The following NHS variants were observed in gnomAD, a reference collection of about 807,000 sequenced individuals.
The protein encoded by NHS is NHS actin remodeling regulator.
NHS carries 5 observed loss-of-function variants against 72.5 expected under a neutral mutation model. The ratio of observed to expected loss-of-function variants is 0.07; its 90% CI spans 0.04 to 0.14. The LOEUF (loss-of-function observed/expected upper bound fraction) is 0.14. Among genes scored for constraint, NHS ranks in the 10% least tolerant of loss-of-function variants. The pLI is 1.00. For missense variants in NHS, 1,072 were observed against 1,355.7 expected (o/e 0.79, Z 3.29); for synonymous variants, 464 against 547.7 (o/e 0.85, Z 2.13).
At chrX:17,427,580 G>A (rs2064663756) in intron 1 of NHS, among the ~76,000 whole-genome samples, 2 of 112,277 alleles carry the variant, frequency 1.8e-5, no homozygotes, top group Non-Finnish European at 3.8e-5. Context: ...CTGAAGGTTT[G>A]GTCCATTGAG....
At chrX:17,503,335 A>G (rs1044689826) in intron 1 of NHS, among the ~76,000 whole-genome samples, 1 of 112,111 alleles carries the variant, frequency 8.9e-6, no homozygotes, top group Non-Finnish European at 1.9e-5. Flanking sequence ...TGTTGGAGTG[A>G]GGATGCCCCA....
At chrX:17,645,782 A>G (rs2065903256) in intron 1 of NHS, among the ~76,000 whole-genome samples, 1 of 112,389 alleles carries the variant, frequency 8.9e-6, no homozygotes, top group Non-Finnish European at 1.9e-5. Context: ...TCTGTTTTAA[A>G]AAGTCAATTT....
intron 3 of NHS, among the ~76,000 whole-genome samples, chrX:17,702,469 G>T (rs1193653144): frequency 9.0e-6 from 1 of 111,472 alleles, no homozygotes; most frequent in Non-Finnish European, 1.9e-5. Context: ...GATCACTTGA[G>T]GTCAGGAGTT....
At chrX:17,608,688 G>T (rs746698230) in intron 1 of NHS, among the ~76,000 whole-genome samples, 9 of 109,805 alleles carry the variant, frequency 8.2e-5, no homozygotes, top group African/African-American at 2.7e-4. Flanking sequence ...TTTTTTTTGG[G>T]GGGATATAAG....
At chrX:17,408,954 G>GGT (rs1555985056) in intron 1 of NHS, among the ~76,000 whole-genome samples, 1 of 103,403 alleles carries the variant, frequency 9.7e-6, no homozygotes, top group Non-Finnish European at 2.0e-5. Flanking sequence ...GACGGAGAGA[G>GGT]GAGAGAGAGA....
intron 1 of NHS, chrX:17,687,207 GCATGATAAGGA>G (rs1399056459): frequency 6.6e-6 from 1 of 150,538 alleles, no homozygotes; most frequent in Non-Finnish European, 1.3e-5. Context: ...TAGGTGTAGG[GCATGATAAGGA>G]TACCTTGGGG....
chrX:17,512,693 T>C (rs1188105083), intron 1 of NHS, among the ~76,000 whole-genome samples: 1 of 112,846 alleles, frequency 8.9e-6, no homozygotes, highest in Non-Finnish European at 1.9e-5. Flanking sequence ...TCCTAATGTA[T>C]CAGTCACACT....
chrX:17,568,647 G>GTTATTATTATTA (rs35281549), intron 1 of NHS, among the ~76,000 whole-genome samples: 21 of 92,120 alleles, frequency 2.3e-4, no homozygotes, highest in East Asian at 3.4e-4. Flanking sequence ...AGGTTACTTA[G>GTTATTATTATTA]TTATTATTAT....
In NHS at chrX:17,634,674, A is replaced by G. The variant is rs981318038; in HGVS notation, c.566-53068A>G. Among the ~76,000 whole-genome samples, 8 of 93,422 alleles carry G rather than the reference A, an allele frequency of 8.6e-5. No homozygotes were observed. In the Admixed American group the frequency reaches 1.0e-3, roughly 12 times the overall value. The allele number at this position is 93,422 out of a possible 115,157, so 81.1% of individuals were successfully genotyped here. On this transcript the variant is annotated intron_variant, in intron 1 of 8. Transcript: ENST00000676302. ...CTTGCTATGCGCTATTACTGCTGTT[A>G]TCAGCATCACGAGAGTCTAACATGT...
intron 3 of NHS, among the ~76,000 whole-genome samples, chrX:17,703,167 G>A (rs950551177): frequency 9.0e-6 from 1 of 110,984 alleles, no homozygotes; most frequent in Non-Finnish European, 1.9e-5. Context: ...GCATAGTGGC[G>A]CACACCTGTA....
At chrX:17,470,734 G>A (rs907740053) in intron 1 of NHS, among the ~76,000 whole-genome samples, 1 of 110,769 alleles carries the variant, frequency 9.0e-6, no homozygotes. Flanking sequence ...TTGCTTTCTC[G>A]GTTCCTTCAA....
At chrX:17,609,089 C>T (rs1295981412) in intron 1 of NHS, among the ~76,000 whole-genome samples, 3 of 111,646 alleles carry the variant, frequency 2.7e-5, no homozygotes, top group Admixed American at 9.5e-5. Flanking sequence ...CCCTGGATAT[C>T]GTGGCTGTGC....
intron 1 of NHS, among the ~76,000 whole-genome samples, chrX:17,605,174 A>G (rs1201569263): frequency 8.9e-6 from 1 of 112,300 alleles, no homozygotes; most frequent in Non-Finnish European, 1.9e-5. Context: ...AATGCCAGAC[A>G]TTTGGGAATG....
chrX:17,580,664 G>A (rs1440533947), intron 1 of NHS, among the ~76,000 whole-genome samples: 1 of 111,420 alleles, frequency 9.0e-6, no homozygotes, highest in Non-Finnish European at 1.9e-5. Context: ...GTGATTTGTT[G>A]CTCCTGCAAG....
intron 1 of NHS, chrX:17,587,016 C>A (rs779949391): frequency 8.9e-6 from 1 of 112,100 alleles, no homozygotes; most frequent in African/African-American, 3.2e-5. Flanking sequence ...TGGGACAATG[C>A]TGATTTAGTA....
chrX:17,633,894 T>C (rs756367667), intron 1 of NHS, among the ~76,000 whole-genome samples: 65 of 112,023 alleles, frequency 5.8e-4, no homozygotes, highest in African/African-American at 2.0e-3. Context: ...GATTTTTAAA[T>C]ACTAGCTTAG....
In NHS at chrX:17,413,982, T is replaced by C. The variant is rs141678434; in HGVS notation, c.565+37660T>C. Among the ~76,000 whole-genome samples, 28 of 112,174 alleles carry C rather than the reference T, an allele frequency of 2.5e-4. No homozygotes were observed. The East Asian group carries it at 7.6e-3, about 30-fold the overall frequency. On this transcript the variant is annotated intron_variant, in intron 1 of 8. Transcript: ENST00000676302. ...GTCTTACCTTCTAAACTCTCAGCTT[T>C]AACTTTTCTTTCCTGTTTTTTATTT...
At position 17,727,813 on chromosome X, in the gene NHS, C is replaced by T. The variant is rs1247112467; in HGVS notation, c.3707C>T (p.Ser1236Leu). ...KNRCDPETITSAGSSLLDSNV... is the reference protein window; with the variant it reads ...KNRCDPETITLAGSSLLDSNV... Reference sequence around the variant, plus strand: ...CGCTGCGATCCAGAAACCATAACATCAGCTGGTAGCAGTCTTCTAGATTCA... The same window carrying T: ...CGCTGCGATCCAGAAACCATAACATTAGCTGGTAGCAGTCTTCTAGATTCA... Residue 1236 changes from serine (S) to leucine (L), a missense_variant, in exon 7 of 9, where the codon TCA becomes TTA. Physicochemically the swap from Ser to Leu is moderately radical, Grantham distance 145 (BLOSUM62 -2). Coordinates refer to ENST00000676302, the MANE Select transcript of NHS (RefSeq NM_001291867.2). 2 of 1,211,650 alleles carry T rather than the reference C, an allele frequency of 1.7e-6. No homozygotes were observed.
intron 1 of NHS, among the ~76,000 whole-genome samples, chrX:17,472,259 C>T (rs914624475): frequency 1.8e-5 from 2 of 108,337 alleles, no homozygotes; most frequent in African/African-American, 3.4e-5. Context: ...CAGAGAAAGT[C>T]AAAGGGAAGG....
Sources: gnomAD v4.1 joint callset for allele counts (sites outside exome capture counted in the v4.1 genomes callset) on GRCh38, gnomAD v4.1.1 for gene constraint, MANE v1.5 for transcripts, NCBI Gene and HGNC (gene_info 2026-07-23, HGNC 2026-07-21) for gene names.